Variants in PARVB observed in about 807,000 individuals in gnomAD.
PARVB encodes beta-parvin.
PARVB carries 46 observed loss-of-function variants against 47.0 expected under a neutral mutation model. The ratio of observed to expected loss-of-function variants is 0.98; its 90% CI spans 0.77 to 1.25. The LOEUF is 1.25. Among genes scored for constraint, PARVB ranks in the 50% most tolerant of loss-of-function variants. The pLI is 0.00. For missense variants in PARVB, 473 were observed against 471.6 expected, an observed-to-expected ratio of 1.00 and a Z score of -0.03; for synonymous variants, 196 against 196.3, an observed-to-expected ratio of 1.00 and a Z score of 0.01.
In PARVB at chr22:44,055,682, A is replaced by C. The variant is rs201095521; in HGVS notation, c.112+31231A>C. Among the ~76,000 whole-genome samples, 1,231 of 143,076 alleles carry C rather than the reference A, an allele frequency of 8.6e-3. 11 individuals carry two copies. The highest frequency in any genetic ancestry group is 0.011 in the East Asian group (58 of 5,076). The allele number at this position is 143,076 out of a possible 152,430, so 93.9% of individuals were successfully genotyped here. A position where few individuals can be genotyped will look rare whatever the true frequency, so the allele number is the denominator to read the frequency against. Reference sequence around the variant, plus strand: ...TCTCTCTCTCTCTCTCTCTCTCTATATATATATATATTTGAAGAGATTGAT... The same window carrying C: ...TCTCTCTCTCTCTCTCTCTCTCTATCTATATATATATTTGAAGAGATTGAT... On this transcript the variant is annotated intron_variant, in intron 1 of 12. Transcript: ENST00000338758.
At chr22:44,051,693 A>C (rs1416801262) in intron 1 of PARVB, among the ~76,000 whole-genome samples, 2 of 152,140 alleles carry the variant, frequency 1.3e-5, no homozygotes, top group Non-Finnish European at 2.9e-5. Context: ...AATTGAGTGA[A>C]GGTCTCTGTT....
At chr22:44,035,666 C>T (rs1446728675) in intron 1 of PARVB, among the ~76,000 whole-genome samples, 1 of 152,076 alleles carries the variant, frequency 6.6e-6, no homozygotes, top group Non-Finnish European at 1.5e-5. Context: ...CCACCGCGCC[C>T]GTCCGTCAAG....
At position 44,102,190 on chromosome 22, in the gene PARVB, G is replaced by A. The variant is rs182880348; in HGVS notation, c.273+2067G>A. Reference sequence around the variant, plus strand: ...CCAGGTGCTGGCACTAGCAGTCCCCGGCAGAGAGAGGTGAATCCCAACTTC... The same window carrying A: ...CCAGGTGCTGGCACTAGCAGTCCCCAGCAGAGAGAGGTGAATCCCAACTTC... On this transcript the variant is annotated intron_variant, in intron 3 of 12. Coordinates refer to ENST00000338758, the MANE Select transcript of PARVB (RefSeq NM_013327.5). Among the ~76,000 whole-genome samples the A allele has an allele frequency of 9.2e-5, 14 of 152,272 alleles. 1 individual carries two copies. The highest frequency in any genetic ancestry group is 6.2e-4 in the South Asian group (3 of 4,818).
At chr22:44,164,412 C>G (rs1342240909) in intron 12 of PARVB, among the ~76,000 whole-genome samples, 1 of 139,202 alleles carries the variant, frequency 7.2e-6, no homozygotes. Context: ...TTCCCTGTCC[C>G]CCCCCCGGCT....
chr22:44,101,423 A>C (rs1040201466), intron 3 of PARVB, among the ~76,000 whole-genome samples: 2 of 145,186 alleles, frequency 1.4e-5, no homozygotes, highest in Non-Finnish European at 2.9e-5. Context: ...AAAATAAAAA[A>C]TAAAAAATAA....
At chr22:44,056,311 G>A (rs2051311077) in intron 1 of PARVB, among the ~76,000 whole-genome samples, 1 of 152,144 alleles carries the variant, frequency 6.6e-6, no homozygotes, top group African/African-American at 2.4e-5. Context: ...AGTTGCATGT[G>A]GATTTCCTCC....
At position 44,168,687 on chromosome 22, in the gene PARVB, C is replaced by T. The variant is rs1365982838; in HGVS notation, c.*9C>T. ...ACAAGAACGTGGAGTGACGGGGGAG[C>T]TGTGGATGGTGGCAGGAGTGTCCCA... On this transcript the variant is annotated 3_prime_UTR_variant, in exon 13 of 13. Transcript: ENST00000338758. 1.3e-6 allele frequency: 2 copies of T among 1,586,276 alleles called. No homozygotes were observed. Among genetic ancestry groups the T allele is most frequent in the Non-Finnish European group, 1.7e-6 (2 of 1,154,806 alleles).
chr22:44,042,151 G>A (rs1002877391), intron 1 of PARVB, among the ~76,000 whole-genome samples: 8 of 152,186 alleles, frequency 5.3e-5, no homozygotes, highest in African/African-American at 1.7e-4. Context: ...GCTGGGCGCG[G>A]TGGCTCATGC....
intron 1 of PARVB, among the ~76,000 whole-genome samples, chr22:44,070,376 C>A (rs1290643068): frequency 6.6e-6 from 1 of 152,166 alleles, no homozygotes; most frequent in Non-Finnish European, 1.5e-5. Context: ...TTTCTGATAC[C>A]AAGCAAACTC....
At chr22:44,018,689 C>A (rs2050611591) in intron 2 of PARVB, among the ~76,000 whole-genome samples, 1 of 152,150 alleles carries the variant, frequency 6.6e-6, no homozygotes. Context: ...GTCCTCCACA[C>A]TGGGTCAGTT....
In PARVB at chr22:44,004,263, C is replaced by A. The variant is rs534720898; in HGVS notation, c.211+4590C>A. ...GGTGCTGGGGCAGGAGCAGGCGCTC[C>A]AGGTCGCGCGCGAAGTCAGTGAGGA... is the stretch of plus-strand genomic sequence containing the variant. On this transcript the variant is annotated intron_variant, in intron 2 of 13. Coordinates refer to the PARVB transcript ENST00000406477. Among the ~76,000 whole-genome samples, 119 of 152,326 alleles carry A rather than the reference C, an allele frequency of 7.8e-4. 1 individual carries two copies. The highest frequency in any genetic ancestry group is 2.7e-3 in the African/African-American group (111 of 41,574).
chr22:44,083,121 C>T (rs1161342773), intron 1 of PARVB, among the ~76,000 whole-genome samples: 4 of 152,214 alleles, frequency 2.6e-5, no homozygotes, highest in South Asian at 2.1e-4. Flanking sequence ...TAATTGGGTT[C>T]CTTGTGAAAC....
chr22:43,999,845 A>AAAAC lies in PARVB; in HGVS notation c.211+175_211+176insCAAA, dbSNP rs1555889958. 3.4e-3 allele frequency among the ~76,000 whole-genome samples: 473 copies of AAAAC among 138,366 alleles called. 21 individuals are homozygous for AAAAC. The East Asian group carries it at 0.071, about 21-fold the overall frequency. 90.8% of individuals were successfully genotyped at this position (138,366 alleles called of 152,430 possible). A position where few individuals can be genotyped will look rare whatever the true frequency, so the allele number is the denominator to read the frequency against. On this transcript the variant is annotated intron_variant, in intron 2 of 13. Transcript: ENST00000406477. ...AAACCCATCTATATGAAAAAAAAAA[A>AAAAC]AAAAAAAAAAAAACAGCTGGGTGTG... is the stretch of plus-strand genomic sequence containing the variant.
intron 4 of PARVB, among the ~76,000 whole-genome samples, chr22:44,131,159 G>A (rs1486318092): frequency 6.8e-6 from 1 of 146,156 alleles, no homozygotes; most frequent in Non-Finnish European, 1.5e-5. Flanking sequence ...CTCTCTTTCT[G>A]AGGCAGGGTC....
At chr22:44,031,173 A>AG (rs2050819674) in intron 1 of PARVB, among the ~76,000 whole-genome samples, 1 of 152,180 alleles carries the variant, frequency 6.6e-6, no homozygotes, top group Non-Finnish European at 1.5e-5. Flanking sequence ...AAGGAAAGGC[A>AG]CAGTGAGGTC....
chr22:44,136,334 AC>A, intron 6 of PARVB, 125 bp from the exon 7 acceptor site: 1 of 838,620 alleles, frequency 1.2e-6, no homozygotes, highest in Non-Finnish European at 2.0e-6. Context: ...GTTCAACACC[AC>A]CCCTCCTTCT....
At position 44,168,682 on chromosome 22, in the gene PARVB, G is replaced by A. The variant is rs1331173417; in HGVS notation, c.*4G>A. 1.9e-6 allele frequency: 3 copies of A among 1,600,160 alleles called. No homozygotes were observed. Among genetic ancestry groups the A allele is most frequent in the Admixed American group, 1.7e-5 (1 of 60,008 alleles). ...CAAGTACAAGAACGTGGAGTGACGG[G>A]GGAGCTGTGGATGGTGGCAGGAGTG... On this transcript the variant is annotated 3_prime_UTR_variant, in exon 13 of 13. Coordinates refer to ENST00000338758, the MANE Select transcript of PARVB (RefSeq NM_013327.5).
At chr22:44,060,961 C>A (rs67447085) in intron 1 of PARVB, among the ~76,000 whole-genome samples, 1 of 152,020 alleles carries the variant, frequency 6.6e-6, no homozygotes, top group Non-Finnish European at 1.5e-5. Flanking sequence ...TTTAAAGATA[C>A]GTTATTTAAA....
chr22:44,037,908 C>T (rs1313876459), intron 1 of PARVB, among the ~76,000 whole-genome samples: 1 of 152,134 alleles, frequency 6.6e-6, no homozygotes, highest in African/African-American at 2.4e-5. Context: ...AGGACCAAGT[C>T]CAGATTCTCG....
Sources: allele counts gnomAD v4.1 joint callset (sites outside exome capture counted in the v4.1 genomes callset), GRCh38; gene constraint gnomAD v4.1.1; transcripts MANE v1.5; gene names NCBI Gene and HGNC (gene_info 2026-07-23, HGNC 2026-07-21).